ABCC2: variants seen among roughly 807,000 people sequenced by gnomAD.
The protein encoded by ABCC2 is ATP binding cassette subfamily C member 2, also known as ATP-binding cassette sub-family C member 2.
ABCC2 carries 157 observed loss-of-function variants against 173.4 expected under a neutral mutation model. The observed-to-expected ratio is 0.91, with a 90% CI of 0.80 to 1.03. The LOEUF (loss-of-function observed/expected upper bound fraction) is 1.03. Among genes scored for constraint, ABCC2 ranks in the 50% least tolerant of loss-of-function variants. The probability of loss-of-function intolerance (pLI) is 0.00; values close to 1 mark genes in which losing one functional copy is unlikely to be tolerated. For missense variants in ABCC2, 1,822 were observed against 1,852.3 expected (o/e 0.98, Z 0.30); for synonymous variants, 657 against 693.5 (o/e 0.95, Z 0.83).
At chr10:99,803,409 G>A (rs1199812659) in intron 9 of ABCC2, among the ~76,000 whole-genome samples, 2 of 152,112 alleles carry the variant, frequency 1.3e-5, no homozygotes, top group African/African-American at 4.8e-5. Context: ...AGCCTCTGAG[G>A]TCAAAATCAA....
intron 10 of ABCC2, among the ~76,000 whole-genome samples, chr10:99,805,076 G>A (rs2038077198): frequency 2.6e-5 from 4 of 152,298 alleles, no homozygotes; most frequent in Non-Finnish European, 1.5e-5. Context: ...AATGATACAA[G>A]CCTGACTGTA....
chr10:99,797,062 T>TG, intron 6 of ABCC2, 35 bp from the exon 7 acceptor site: 1 of 1,599,264 alleles, frequency 6.3e-7, no homozygotes, highest in Non-Finnish European at 8.6e-7. Flanking sequence ...TGACCCAGCC[T>TG]GGGGGTCTCA....
At chr10:99,820,203 C>A (rs2038508910) in intron 19 of ABCC2, among the ~76,000 whole-genome samples, 1 of 152,056 alleles carries the variant, frequency 6.6e-6, no homozygotes. Context: ...GCCAGCCTGA[C>A]CAACATGGAG....
intron 19 of ABCC2, among the ~76,000 whole-genome samples, chr10:99,822,536 G>A (rs1218687577): frequency 6.6e-6 from 1 of 151,760 alleles, no homozygotes; most frequent in Non-Finnish European, 1.5e-5. Context: ...TTCTCCTGGT[G>A]AAACACAAGC....
intron 11 of ABCC2, 28 bp from the exon 12 acceptor site, chr10:99,807,356 T>G (rs2038128251): frequency 6.2e-7 from 1 of 1,613,958 alleles, no homozygotes; most frequent in African/African-American, 1.3e-5. Flanking sequence ...GGCAATCATG[T>G]GAGCTGTATT....
rs185645111 is a variant in ABCC2 at position 99,814,333 on chromosome 10, A to T, written c.2094+1189A>T. Among the ~76,000 whole-genome samples, 64 of 142,580 alleles carry T rather than the reference A, an allele frequency of 4.5e-4. 6 individuals are homozygous for T. Among genetic ancestry groups the T allele is most frequent in the African/African-American group, 1.6e-3 (61 of 38,372 alleles). 93.5% of individuals were successfully genotyped at this position (142,580 alleles called of 152,430 possible). ...TGTATATACACACGTATGTATACAC[A>T]CATGTATATATACACACGTATGTAT... is the stretch of plus-strand genomic sequence containing the variant. On this transcript the variant is annotated intron_variant, in intron 16 of 31. Coordinates refer to ENST00000647814, the MANE Select transcript of ABCC2 (RefSeq NM_000392.5).
In ABCC2 at chr10:99,784,624, A is replaced by G; in HGVS notation, c.50A>G (p.Asp17Gly). 1 of 1,614,158 alleles carries G rather than the reference A, an allele frequency of 6.2e-7. No homozygotes were observed. The highest frequency in any genetic ancestry group is 1.3e-5 in the African/African-American group (1 of 75,044). The change falls in exon 2 of 32, where the codon GAC (aspartate) becomes GGC (glycine). Residue 17 changes from aspartate (D) to glycine (G), a missense_variant. Asp to Gly is a moderately conservative substitution (Grantham distance 94, BLOSUM62 -1). Transcript: ENST00000647814. Reference protein sequence around the residue: ...NSTFWNSSFLDSPEADLPLCF... With the variant: ...NSTFWNSSFLGSPEADLPLCF... ...GGTCTCCAGAATTCCTCATTCCTGG[A>G]CAGTCCGGAGGCAGACCTGCCACTT...
intron 16 of ABCC2, among the ~76,000 whole-genome samples, chr10:99,814,240 TGC>T (rs768896941): frequency 0.057 from 3,285 of 57,288 alleles, 498 homozygotes; most frequent in African/African-American, 0.15. Context: ...TGTGTATATA[TGC>T]ACACACGTAT....
intron 2 of ABCC2, among the ~76,000 whole-genome samples, chr10:99,787,667 C>T (rs998121818): frequency 1.3e-5 from 2 of 150,040 alleles, no homozygotes; most frequent in Non-Finnish European, 3.0e-5. Context: ...ATTTCATTTG[C>T]GAATTGTCTG....
At chr10:99,850,115 G>T (rs2039067905) in intron 30 of ABCC2, among the ~76,000 whole-genome samples, 1 of 152,192 alleles carries the variant, frequency 6.6e-6, no homozygotes, top group African/African-American at 2.4e-5. Flanking sequence ...ATTTGCTAAG[G>T]CCACAAAGAA....
At chr10:99,825,533 A>T (rs920692263) in intron 19 of ABCC2, among the ~76,000 whole-genome samples, 11 of 152,188 alleles carry the variant, frequency 7.2e-5, no homozygotes, top group Non-Finnish European at 1.2e-4. Flanking sequence ...TGTTCTTTTT[A>T]TTTCACTATT....
At chr10:99,815,292 T>G (rs2038389196) in intron 16 of ABCC2, among the ~76,000 whole-genome samples, 1 of 152,226 alleles carries the variant, frequency 6.6e-6, no homozygotes, top group Non-Finnish European at 1.5e-5. Flanking sequence ...TTTTTATGGC[T>G]GCATAGTATT....
rs1415114662 is a variant in ABCC2, at chr10:99,813,784, G to A, written c.2094+640G>A. Among the ~76,000 whole-genome samples, 4 of 151,840 alleles carry A rather than the reference G, an allele frequency of 2.6e-5. No individual in the cohort carries two copies. In the South Asian group the frequency reaches 6.2e-4, roughly 24 times the overall value. Reference sequence around the variant, plus strand: ...GAAAAATCATGCATCCTGCAAAACTGTACAATAAAAATAACAGGACCTAGG... The same window carrying A: ...GAAAAATCATGCATCCTGCAAAACTATACAATAAAAATAACAGGACCTAGG... On this transcript the variant is annotated intron_variant, in intron 16 of 31. Coordinates refer to ENST00000647814, the MANE Select transcript of ABCC2 (RefSeq NM_000392.5).
chr10:99,844,348 T>C lies in ABCC2; in HGVS notation c.3870T>C (p.Pro1290=). 6.2e-7 allele frequency: 1 copy of C among 1,614,184 alleles called. No homozygotes were observed. The highest frequency in any genetic ancestry group is 8.5e-7 in the Non-Finnish European group (1 of 1,180,030). ...CACCCTGGGTGACTGATAAGAGGCCTCCGCCAGATTGGCCCAGCAAAGGCA... is the reference window on the plus strand; with the variant it reads ...CACCCTGGGTGACTGATAAGAGGCCCCCGCCAGATTGGCCCAGCAAAGGCA... ...NEAPWVTDKR[P]PPDWPSKGKI... The change falls in exon 28 of 32, where the codon CCT becomes CCC. Residue 1290 remains proline, a synonymous_variant. Transcript: ENST00000647814.
chr10:99,837,029 A>AT (rs1332316687), intron 25 of ABCC2, among the ~76,000 whole-genome samples: 2 of 152,254 alleles, frequency 1.3e-5, no homozygotes, highest in Non-Finnish European at 2.9e-5. Context: ...GAAAAGGCAT[A>AT]TAAGTAAATC....
chr10:99,808,666 C>T (rs551224639), intron 13 of ABCC2, among the ~76,000 whole-genome samples: 1 of 152,250 alleles, frequency 6.6e-6, no homozygotes, highest in South Asian at 2.1e-4. Context: ...AATTGAGAGC[C>T]TCAAGCTATC....
rs778114067 is a variant in ABCC2, at chr10:99,808,236, C to G, written c.1815+7C>G. 5.0e-6 allele frequency: 8 copies of G among 1,613,936 alleles called. No individual in the cohort carries two copies. Among genetic ancestry groups the G allele is most frequent in the South Asian group, 3.3e-5 (3 of 91,076 alleles). On this transcript the variant is annotated splice_region_variant and intron_variant, in intron 13 of 31. Coordinates refer to ENST00000647814, the MANE Select transcript of ABCC2 (RefSeq NM_000392.5). ...GATCTCCTCCATGCTCCAGGTAGGT[C>G]GGCATTCTCACTGCTAACTCCCTGT... is the stretch of plus-strand genomic sequence containing the variant.
rs2038286015 is a variant in ABCC2 at position 99,814,195 on chromosome 10, GTGTATATA to G, written c.2094+1053_2094+1060del. On this transcript the variant is annotated intron_variant, in intron 16 of 31. Transcript: ENST00000647814. ...TACACACATGTATGTATACACACAT[GTGTATATA>G]TACACACATGTGTATATATACACAC... Among the ~76,000 whole-genome samples the G allele has an allele frequency of 1.1e-4, 3 of 27,702 alleles. 1 individual carries two copies. Among genetic ancestry groups the G allele is most frequent in the African/African-American group, 4.0e-4 (3 of 7,518 alleles). The allele number at this position is 27,702 out of a possible 152,430, so 18.2% of individuals were successfully genotyped here. A position where few individuals can be genotyped will look rare whatever the true frequency, so the allele number is the denominator to read the frequency against.
chr10:99,810,671 T>C (rs7090621), intron 14 of ABCC2, among the ~76,000 whole-genome samples: 2 of 152,154 alleles, frequency 1.3e-5, no homozygotes, highest in African/African-American at 4.8e-5. Flanking sequence ...CCTGAGAGTA[T>C]ACCCAGAGTA....
Sources: gnomAD v4.1 joint callset for allele counts (sites outside exome capture counted in the v4.1 genomes callset) on GRCh38, gnomAD v4.1.1 for gene constraint, MANE v1.5 for transcripts, NCBI Gene and HGNC (gene_info 2026-07-23, HGNC 2026-07-21) for gene names.